CTNND2: variants seen among roughly 807,000 people sequenced by gnomAD.
The protein encoded by CTNND2 is catenin delta 2, also known as catenin delta-2.
Under a neutral mutation model 144.4 loss-of-function variants are expected in CTNND2, and 22 were observed. That is an observed-to-expected ratio of 0.15 (90% CI 0.11 to 0.22). The LOEUF is 0.22. Among genes scored for constraint, CTNND2 ranks in the 10% least tolerant of loss-of-function variants. The pLI, the probability that CTNND2 is intolerant of heterozygous loss-of-function variation, is 1.00. For missense variants in CTNND2, 1,353 were observed against 1,618.8 expected, an observed-to-expected ratio of 0.84 and a Z score of 2.82; for synonymous variants, 751 against 695.6, an observed-to-expected ratio of 1.08 and a Z score of -1.25.
chr5:11,489,470 T>C (rs1240471742), intron 3 of CTNND2, among the ~76,000 whole-genome samples: 1 of 152,206 alleles, frequency 6.6e-6, no homozygotes, highest in Non-Finnish European at 1.5e-5. Flanking sequence ...GAATTTCTTA[T>C]GCTGTCAACT....
At chr5:11,736,094 C>T (rs1243803252) in intron 1 of CTNND2, among the ~76,000 whole-genome samples, 3 of 152,150 alleles carry the variant, frequency 2.0e-5, no homozygotes, top group Non-Finnish European at 4.4e-5. Context: ...AGGCTTTCTG[C>T]CTTTTAATTC....
At chr5:11,143,812 T>C (rs771969641) in intron 12 of CTNND2, among the ~76,000 whole-genome samples, 2 of 152,246 alleles carry the variant, frequency 1.3e-5, no homozygotes, top group Non-Finnish European at 2.9e-5. Flanking sequence ...GGAGCTAAGC[T>C]ATAATACAGG....
intron 9 of CTNND2, among the ~76,000 whole-genome samples, chr5:11,326,533 C>A (rs901266501): frequency 6.6e-6 from 1 of 152,176 alleles, no homozygotes; most frequent in African/African-American, 2.4e-5. Context: ...GTAAAGGGTA[C>A]AATTCCTATC....
chr5:11,159,717 G>A lies in CTNND2; in HGVS notation c.2018C>T (p.Pro673Leu). 1 of 1,607,708 alleles carries A rather than the reference G, an allele frequency of 6.2e-7. No individual in the cohort carries two copies. Among genetic ancestry groups the A allele is most frequent in the Non-Finnish European group, 8.5e-7 (1 of 1,177,160 alleles). Reference protein sequence around the residue: ...NLSSCDALKMPIIQDALAVLT... With the variant: ...NLSSCDALKMLIIQDALAVLT... Reference sequence around the variant, plus strand: ...TACTGCTAGGGCATCCTGGATGATTGGCATTTTGAGTGCATCGCATGAGGA... The same window carrying A: ...TACTGCTAGGGCATCCTGGATGATTAGCATTTTGAGTGCATCGCATGAGGA... Residue 673 changes from proline to leucine, a missense_variant, in exon 12 of 22, where the codon CCA (proline) becomes CTA (leucine). This residue lies in a region of CTNND2 where 117 missense variants were observed against 117.8 expected (regional missense o/e 0.99). Transcript: ENST00000304623.
At chr5:11,035,997 G>C (rs945446966) in intron 16 of CTNND2, among the ~76,000 whole-genome samples, 3 of 152,178 alleles carry the variant, frequency 2.0e-5, no homozygotes, top group African/African-American at 7.2e-5. Flanking sequence ...AATGAAGTTA[G>C]TGTTGGGTTT....
At chr5:11,271,511 A>G (rs1746008359) in intron 9 of CTNND2, among the ~76,000 whole-genome samples, 1 of 152,088 alleles carries the variant, frequency 6.6e-6, no homozygotes, top group Admixed American at 6.6e-5. Context: ...TCCTCCAAAT[A>G]TATGGTCCGC....
At chr5:11,316,080 A>G (rs1751442625) in intron 9 of CTNND2, among the ~76,000 whole-genome samples, 1 of 152,194 alleles carries the variant, frequency 6.6e-6, no homozygotes, top group Admixed American at 6.5e-5. Context: ...CTGATTCCAG[A>G]CCTAAATAAA....
At chr5:11,241,583 C>T (rs1367126445) in intron 9 of CTNND2, among the ~76,000 whole-genome samples, 1 of 152,100 alleles carries the variant, frequency 6.6e-6, no homozygotes, top group Admixed American at 6.5e-5. Context: ...AAATGTTCTC[C>T]TCAATTTCAC....
At chr5:11,650,322 C>T (rs966841774) in intron 2 of CTNND2, among the ~76,000 whole-genome samples, 5 of 152,186 alleles carry the variant, frequency 3.3e-5, no homozygotes, top group Admixed American at 1.3e-4. Flanking sequence ...TGCAACCATG[C>T]TTCCTGTACA....
At chr5:11,626,028 T>C (rs527302997) in intron 2 of CTNND2, among the ~76,000 whole-genome samples, 8 of 152,282 alleles carry the variant, frequency 5.3e-5, no homozygotes, top group South Asian at 2.1e-4. Context: ...TAGAATGGTA[T>C]TGTCAGCCTA....
intron 3 of CTNND2, among the ~76,000 whole-genome samples, chr5:11,425,037 G>A (rs535406095): frequency 6.6e-6 from 1 of 152,310 alleles, no homozygotes; most frequent in African/African-American, 2.4e-5. Flanking sequence ...AAATTGTGCT[G>A]CTACTGAAGG....
intron 9 of CTNND2, among the ~76,000 whole-genome samples, chr5:11,281,179 T>C (rs1481533100): frequency 6.6e-6 from 1 of 152,194 alleles, no homozygotes; most frequent in East Asian, 1.9e-4. Context: ...AAATGGTTTC[T>C]TCACCTTTAG....
chr5:11,175,739 C>G (rs2149792507), intron 11 of CTNND2, among the ~76,000 whole-genome samples: 1 of 152,148 alleles, frequency 6.6e-6, no homozygotes, highest in East Asian at 1.9e-4. Flanking sequence ...TTAATAGTCT[C>G]TCAATATGAA....
At chr5:11,633,792 T>A (rs940217741) in intron 2 of CTNND2, among the ~76,000 whole-genome samples, 15 of 139,924 alleles carry the variant, frequency 1.1e-4, no homozygotes, top group African/African-American at 4.0e-4. Flanking sequence ...AAAAAAAAAA[T>A]TAGTACAACT....
rs145102265 is a variant in CTNND2 at position 11,584,361 on chromosome 5, T to C, written c.175-19305A>G. Among the ~76,000 whole-genome samples the C allele has an allele frequency of 6.8e-3, 1,026 of 149,808 alleles. 5 individuals carry two copies. The highest frequency in any genetic ancestry group is 0.012 in the Non-Finnish European group (805 of 67,328). The stretch of plus-strand genomic sequence containing the variant: ...TCGTTTTGCCTTGTACTAAAACAAT[T>C]AGACAGTTGACCAACACTTAAAATT... On this transcript the variant is annotated intron_variant, in intron 2 of 21. Coordinates refer to ENST00000304623, the MANE Select transcript of CTNND2 (RefSeq NM_001332.4).
intron 2 of CTNND2, among the ~76,000 whole-genome samples, chr5:11,649,110 A>G (rs1433340584): frequency 1.3e-5 from 2 of 152,176 alleles, no homozygotes; most frequent in East Asian, 3.8e-4. Context: ...ATTTATTTTT[A>G]TGGGTCAAAG....
At chr5:11,303,347 T>C (rs1319025224) in intron 9 of CTNND2, among the ~76,000 whole-genome samples, 2 of 152,230 alleles carry the variant, frequency 1.3e-5, no homozygotes, top group Non-Finnish European at 2.9e-5. Context: ...AACACGGTAG[T>C]TATGCTATGG....
chr5:11,240,210 CA>C, intron 9 of CTNND2, among the ~76,000 whole-genome samples: 3 of 113,280 alleles, frequency 2.6e-5, no homozygotes, highest in Non-Finnish European at 3.7e-5. Context: ...CACACACCCC[CA>C]ACACACACAC....
intron 1 of CTNND2, among the ~76,000 whole-genome samples, chr5:11,829,690 C>A (rs1294075289): frequency 6.6e-6 from 1 of 152,182 alleles, no homozygotes; most frequent in Non-Finnish European, 1.5e-5. Flanking sequence ...AACCTCTACT[C>A]GGGCAGTGCA....
Sources: gnomAD v4.1 joint callset for allele counts (sites outside exome capture counted in the v4.1 genomes callset) on GRCh38, gnomAD v4.1.1 for gene constraint, gnomAD v4.1.1 regional missense constraint, MANE v1.5 for transcripts, NCBI Gene and HGNC (gene_info 2026-07-23, HGNC 2026-07-21) for gene names.